The following GRIA3 variants were observed in gnomAD, a reference collection of about 807,000 sequenced individuals.
GRIA3 encodes the protein glutamate ionotropic receptor AMPA type subunit 3, also known as glutamate receptor 3.
In GRIA3, 3 loss-of-function variants were observed where a neutral mutation model predicts 63.0. The ratio of observed to expected loss-of-function variants is 0.05; its 90% CI spans 0.02 to 0.12. GRIA3 has a LOEUF of 0.12. GRIA3 is among the 10% of genes least tolerant of loss of function. GRIA3 has a pLI of 1.00. For missense variants in GRIA3, 347 were observed against 700.9 expected, an observed-to-expected ratio of 0.50 and a Z score of 5.70; for synonymous variants, 274 against 257.9, an observed-to-expected ratio of 1.06 and a Z score of -0.60.
At chrX:123,211,373 A>T (rs1324250874) in intron 2 of GRIA3, among the ~76,000 whole-genome samples, 2 of 111,712 alleles carry the variant, frequency 1.8e-5, no homozygotes, top group African/African-American at 3.3e-5. Flanking sequence ...GCAGTAATGC[A>T]ATTACTGATC....
At chrX:123,227,416 A>G (rs2044253225) in intron 2 of GRIA3, among the ~76,000 whole-genome samples, 1 of 112,161 alleles carries the variant, frequency 8.9e-6, no homozygotes, top group African/African-American at 3.2e-5. Flanking sequence ...ATGGATGGAT[A>G]AAAAGACAGC....
At chrX:123,288,538 G>T (rs2044635608) in intron 3 of GRIA3, among the ~76,000 whole-genome samples, 1 of 111,166 alleles carries the variant, frequency 9.0e-6, no homozygotes, top group Admixed American at 9.6e-5. Flanking sequence ...CTAATATCCA[G>T]AATCTACAAG....
At chrX:123,391,262 A>G (rs374250426) in intron 5 of GRIA3, among the ~76,000 whole-genome samples, 5 of 111,177 alleles carry the variant, frequency 4.5e-5, no homozygotes, top group Admixed American at 3.8e-4. Context: ...ATTTGATGTA[A>G]CAGTTACTTC....
intron 3 of GRIA3, among the ~76,000 whole-genome samples, chrX:123,268,178 A>G (rs1158379033): frequency 8.9e-6 from 1 of 111,817 alleles, no homozygotes; most frequent in Non-Finnish European, 1.9e-5. Flanking sequence ...TACTTGCTTA[A>G]GAAGCTCAAA....
At chrX:123,224,680 A>G (rs62594061) in intron 2 of GRIA3, among the ~76,000 whole-genome samples, 3,972 of 111,533 alleles carry the variant, frequency 0.036, 86 homozygotes, top group Non-Finnish European at 0.053. Context: ...TTTACTTCTG[A>G]TATCTCCCCT....
At chrX:123,214,910 C>A (rs1320448978) in intron 2 of GRIA3, among the ~76,000 whole-genome samples, 1 of 111,801 alleles carries the variant, frequency 8.9e-6, no homozygotes, top group Non-Finnish European at 1.9e-5. Flanking sequence ...AAGAAACCAA[C>A]TCTGTGAGGG....
chrX:123,410,482 C>T (rs912711385), intron 10 of GRIA3, among the ~76,000 whole-genome samples: 19 of 111,901 alleles, frequency 1.7e-4, no homozygotes, highest in Non-Finnish European at 3.2e-4. Context: ...CCTTCACGCT[C>T]CCAGGACACA....
chrX:123,336,279 G>A (rs1037817037), intron 4 of GRIA3, among the ~76,000 whole-genome samples: 7 of 112,249 alleles, frequency 6.2e-5, no homozygotes, highest in Admixed American at 1.9e-4. Flanking sequence ...ACATGGAAGG[G>A]CAAGGGACAT....
chrX:123,260,475 G>A (rs1456616424), intron 3 of GRIA3, among the ~76,000 whole-genome samples: 1 of 6,609 alleles, frequency 1.5e-4, no homozygotes, highest in Non-Finnish European at 3.2e-4. Context: ...GAAGAAGAAA[G>A]GAAAGAAAGA....
At chrX:123,311,876 C>T (rs1266100185) in intron 3 of GRIA3, among the ~76,000 whole-genome samples, 1 of 112,026 alleles carries the variant, frequency 8.9e-6, no homozygotes, top group Non-Finnish European at 1.9e-5. Flanking sequence ...TGGACAACTG[C>T]ACATGTTGGA....
intron 5 of GRIA3, among the ~76,000 whole-genome samples, chrX:123,388,462 G>A (rs1019104342): frequency 2.7e-5 from 3 of 111,472 alleles, no homozygotes; most frequent in Non-Finnish European, 5.7e-5. Flanking sequence ...GCCCTGGCTG[G>A]TCTTGAACTC....
chrX:123,191,118 T>C (rs1435401969), intron 2 of GRIA3, among the ~76,000 whole-genome samples: 2 of 112,462 alleles, frequency 1.8e-5, no homozygotes, highest in African/African-American at 6.5e-5. Context: ...ATGATTTCCC[T>C]GTCAACTTCT....
chrX:123,469,912 G>A (rs1309762903), intron 13 of GRIA3, among the ~76,000 whole-genome samples: 3 of 111,933 alleles, frequency 2.7e-5, no homozygotes, highest in Non-Finnish European at 3.8e-5. Flanking sequence ...CACCAGCTTC[G>A]CTTTCCCATC....
intron 13 of GRIA3, among the ~76,000 whole-genome samples, chrX:123,466,483 G>A (rs2045834663): frequency 8.9e-6 from 1 of 111,859 alleles, no homozygotes; most frequent in African/African-American, 3.2e-5. Flanking sequence ...CTTCTCCTTA[G>A]CCATGTTCTT....
At chrX:123,343,593 C>CAGAGAG (rs746329134) in intron 4 of GRIA3, among the ~76,000 whole-genome samples, 82 of 102,726 alleles carry the variant, frequency 8.0e-4, no homozygotes, top group Middle Eastern at 4.9e-3. Flanking sequence ...GAGAGAAAGA[C>CAGAGAG]AGAGAGAGAG....
chrX:123,243,946 A>T (rs1449464242), intron 2 of GRIA3, among the ~76,000 whole-genome samples: 1 of 112,650 alleles, frequency 8.9e-6, no homozygotes, highest in East Asian at 2.8e-4. Context: ...CATCTCTGAC[A>T]TTGCTATGGA....
At chrX:123,392,626 G>A (rs1289103963) in intron 5 of GRIA3, among the ~76,000 whole-genome samples, 2 of 111,613 alleles carry the variant, frequency 1.8e-5, no homozygotes, top group African/African-American at 3.3e-5. Context: ...ACCCATGCTG[G>A]GGCACCTCTT....
At chrX:123,329,792 T>G (rs1316618822) in intron 4 of GRIA3, among the ~76,000 whole-genome samples, 2 of 111,943 alleles carry the variant, frequency 1.8e-5, no homozygotes. Flanking sequence ...TACTGTGTTG[T>G]GCTTATGAAG....
At chrX:123,425,537 T>A (rs1221609696) in intron 11 of GRIA3, among the ~76,000 whole-genome samples, 1 of 112,289 alleles carries the variant, frequency 8.9e-6, no homozygotes, top group Non-Finnish European at 1.9e-5. Flanking sequence ...CAGTTCAGAA[T>A]AAATTAAATG....
Sources: gnomAD v4.1 joint callset for allele counts (sites outside exome capture counted in the v4.1 genomes callset) on GRCh38, gnomAD v4.1.1 for gene constraint, MANE v1.5 for transcripts, NCBI Gene and HGNC (gene_info 2026-07-23, HGNC 2026-07-21) for gene names.